The following NXPE1 variants were observed in gnomAD, a reference collection of about 807,000 sequenced individuals.
The protein encoded by NXPE1 is NXPE family member 1.
A neutral mutation model predicts 33.3 loss-of-function variants in NXPE1; 31 were observed. The ratio of observed to expected loss-of-function variants is 0.93; its 90% CI spans 0.70 to 1.26. The LOEUF (loss-of-function observed/expected upper bound fraction) is 1.26, where lower values mean the gene tolerates loss of function less well. Among genes scored for constraint, NXPE1 ranks in the 50% most tolerant of loss-of-function variants. The pLI is 0.00. For missense variants in NXPE1, 661 were observed against 655.6 expected (o/e 1.01, Z -0.09); for synonymous variants, 229 against 231.4 (o/e 0.99, Z 0.09).
intron 5 of NXPE1, among the ~76,000 whole-genome samples, chr11:114,537,957 G>T (rs1197286107): frequency 2.0e-5 from 3 of 151,802 alleles, no homozygotes; most frequent in Non-Finnish European, 2.9e-5. Flanking sequence ...GAACCAAAAA[G>T]CCCACATTGC....
In NXPE1 at chr11:114,540,215, C is replaced by T. The variant is rs201820769; in HGVS notation, c.100-9307G>A. On this transcript the variant is annotated intron_variant, in intron 5 of 8. Transcript: ENST00000534921. ...CAAGTGATCTGCCTGCCTCGGCCTC[C>T]CAAAGTGCTGGGATTACGGTGTGAG... 3.9e-5 allele frequency among the ~76,000 whole-genome samples: 6 copies of T among 152,146 alleles called. No individual in the cohort carries two copies. The East Asian group carries it at 1.2e-3, about 29-fold the overall frequency.
chr11:114,557,672 T>TAA (rs1491414469), intron 1 of NXPE1, among the ~76,000 whole-genome samples: 1 of 122,292 alleles, frequency 8.2e-6, no homozygotes, highest in South Asian at 2.6e-4. Flanking sequence ...TATATATATA[T>TAA]AAAATCCTTG....
intron 7 of NXPE1, 149 bp from the exon 8 acceptor site, chr11:114,523,240 AT>A (rs1947270907): frequency 1.6e-6 from 1 of 623,212 alleles, no homozygotes. Context: ...TTCTTTGATC[AT>A]TAGCTTTGCT....
intron 2 of NXPE1, 127 bp from the exon 3 acceptor site, chr11:114,552,212 A>G (rs1948511436): frequency 6.6e-6 from 1 of 152,178 alleles, no homozygotes; most frequent in Non-Finnish European, 1.5e-5. Context: ...TTGAATCACT[A>G]CCTTCTGATT....
At position 114,531,443 on chromosome 11, in the gene NXPE1, G is replaced by T. The variant is rs149251654; in HGVS notation, c.100-535C>A. On this transcript the variant is annotated intron_variant, in intron 5 of 8. Transcript: ENST00000534921. ...CCTCAAGGATGATGACTGTCTTCAG[G>T]CTTCAAGGAAGACAGTCCTGCTTTC... is the stretch of plus-strand genomic sequence containing the variant. Among the ~76,000 whole-genome samples the T allele has an allele frequency of 5.3e-5, 8 of 152,246 alleles. No individual in the cohort carries two copies. In the East Asian group the frequency reaches 1.4e-3, roughly 26 times the overall value.
chr11:114,559,038 G>C (rs1948719108), intron 1 of NXPE1, among the ~76,000 whole-genome samples: 1 of 152,136 alleles, frequency 6.6e-6, no homozygotes, highest in Admixed American at 6.5e-5. Context: ...GTAATATGAA[G>C]AGCTCTTAAA....
exon 6 of NXPE1, chr11:114,530,757 A>G (rs1167733010): frequency 6.2e-7 from 1 of 1,614,116 alleles, no homozygotes; most frequent in East Asian, 2.2e-5. Context: ...TCTGGGTGGG[A>G]TCTGCTGATC....
At chr11:114,553,744 C>T (rs1948581925) in intron 1 of NXPE1, 1 of 985,238 alleles carries the variant, frequency 1.0e-6, no homozygotes, top group Non-Finnish European at 1.2e-6. Flanking sequence ...AAGATGCCTC[C>T]ATTTGGAAAT....
chr11:114,549,413 A>G (rs1325669456), intron 5 of NXPE1, among the ~76,000 whole-genome samples: 1 of 152,082 alleles, frequency 6.6e-6, no homozygotes, highest in Non-Finnish European at 1.5e-5. Context: ...CATAATTCAG[A>G]GAGTTTTATT....
intron 5 of NXPE1, among the ~76,000 whole-genome samples, chr11:114,540,791 G>C (rs1948063920): frequency 7.0e-6 from 1 of 143,742 alleles, no homozygotes; most frequent in Admixed American, 7.2e-5. Flanking sequence ...GTGTTAGCCT[G>C]AGGGCAGTCT....
At chr11:114,529,829 T>G in intron 6 of NXPE1, 1 of 222,818 alleles carries the variant, frequency 4.5e-6, no homozygotes, top group Non-Finnish European at 8.9e-6. Context: ...TGGGGGGAAA[T>G]GGATCAACGC....
In NXPE1 at chr11:114,536,650, G is replaced by A. The variant is rs186758271; in HGVS notation, c.100-5742C>T. ...AAACTACCATCAGAGAATACTATAA[G>A]CACCTCTATGCAAATAAACTAGAAA... is the stretch of plus-strand genomic sequence containing the variant. On this transcript the variant is annotated intron_variant, in intron 5 of 8. Transcript: ENST00000534921. Among the ~76,000 whole-genome samples the A allele has an allele frequency of 4.5e-3, 687 of 152,068 alleles. 9 individuals are homozygous for A. Among genetic ancestry groups the A allele is most frequent in the African/African-American group, 0.015 (629 of 41,462 alleles).
At chr11:114,540,885 T>TTTTTTTTTTTTTTTTTTTTTTTTTTTG (rs754802719) in intron 5 of NXPE1, among the ~76,000 whole-genome samples, 3 of 81,242 alleles carry the variant, frequency 3.7e-5, no homozygotes, top group Non-Finnish European at 7.4e-5. Context: ...TTTTTTTTTT[T>TTTTTTTTTTTTTTTTTTTTTTTTTTTG]GGCTTGAACA....
intron 5 of NXPE1, among the ~76,000 whole-genome samples, chr11:114,539,895 A>G (rs1443422456): frequency 6.6e-6 from 1 of 152,208 alleles, no homozygotes; most frequent in African/African-American, 2.4e-5. Context: ...GTTTCACTAT[A>G]TTGAAAAAAA....
intron 5 of NXPE1, among the ~76,000 whole-genome samples, chr11:114,537,958 C>G (rs1251177030): frequency 2.0e-5 from 3 of 151,924 alleles, no homozygotes; most frequent in African/African-American, 7.2e-5. Context: ...AACCAAAAAG[C>G]CCACATTGCC....
chr11:114,557,128 A>C (rs1048705319), intron 1 of NXPE1, among the ~76,000 whole-genome samples: 2 of 152,118 alleles, frequency 1.3e-5, no homozygotes, highest in African/African-American at 2.4e-5. Context: ...TCCTGACCTC[A>C]AGTAATCTGC....
At chr11:114,553,509 T>C (rs1948573575) in intron 1 of NXPE1, among the ~76,000 whole-genome samples, 1 of 152,214 alleles carries the variant, frequency 6.6e-6, no homozygotes, top group Non-Finnish European at 1.5e-5. Flanking sequence ...ATTTTACTGA[T>C]GGCAGAGTTT....
At chr11:114,553,372 C>T (rs76975183) in intron 1 of NXPE1, among the ~76,000 whole-genome samples, 1 of 152,120 alleles carries the variant, frequency 6.6e-6, no homozygotes, top group African/African-American at 2.4e-5. Flanking sequence ...GTCACAAGAT[C>T]CCAGTCCTGA....
Position 114,527,822 on chromosome 11 carries a change from A to T in NXPE1, c.895+18T>A. ...GTTTCCTCTGAGCATCACCTAACTC[A>T]GGACAGAGCCAACTTACTGTTACAA... is the stretch of plus-strand genomic sequence containing the variant. On this transcript the variant is annotated intron_variant, in intron 7 of 8. Transcript: ENST00000534921. The T allele has an allele frequency of 6.3e-7, 1 of 1,586,632 alleles. No individual in the cohort carries two copies. Among genetic ancestry groups the T allele is most frequent in the Non-Finnish European group, 8.6e-7 (1 of 1,164,792 alleles).
Sources: allele counts gnomAD v4.1 joint callset (sites outside exome capture counted in the v4.1 genomes callset), GRCh38; gene constraint gnomAD v4.1.1; transcripts MANE v1.5; gene names NCBI Gene and HGNC (gene_info 2026-07-23, HGNC 2026-07-21).